Variants in AEBP2 observed in about 807,000 individuals in gnomAD.
AEBP2 encodes the protein AE binding protein 2.
In AEBP2, 10 loss-of-function variants were observed where a neutral mutation model predicts 50.8. The observed-to-expected ratio is 0.20, with a 90% CI of 0.12 to 0.33. AEBP2 has a LOEUF of 0.33. AEBP2 is among the 10% of genes least tolerant of loss of function. The pLI is 1.00. For synonymous variants in AEBP2, 296 were observed against 261.3 expected, an observed-to-expected ratio of 1.13 and a Z score of -1.28; for missense variants, 570 against 688.0, an observed-to-expected ratio of 0.83 and a Z score of 1.92.
chr12:19,415,571 T>G (rs1355923875), intron 1 of AEBP2, among the ~76,000 whole-genome samples: 1 of 151,294 alleles, frequency 6.6e-6, no homozygotes, highest in East Asian at 1.9e-4. Context: ...AATCAGATTT[T>G]TTTGTCAAAA....
intron 1 of AEBP2, 189 bp downstream of exon 1, chr12:19,440,559 A>T: frequency 7.2e-7 from 1 of 1,380,806 alleles, no homozygotes; most frequent in Non-Finnish European, 9.4e-7. Context: ...CGCGGCTTCC[A>T]ACTCTCAAAC....
chr12:19,426,633 G>T (rs939245856), intron 1 of AEBP2, among the ~76,000 whole-genome samples: 2 of 152,196 alleles, frequency 1.3e-5, no homozygotes, highest in African/African-American at 4.8e-5. Context: ...GCCAGGCGTG[G>T]TGACTCACTC....
intron 3 of AEBP2, among the ~76,000 whole-genome samples, chr12:19,484,749 A>AT (rs933867315): frequency 4.0e-5 from 6 of 151,714 alleles, no homozygotes; most frequent in African/African-American, 1.5e-4. Context: ...AACCGTTCAG[A>AT]TTTTTTTTCT....
chr12:19,432,478 G>A (rs2095751948), intron 1 of AEBP2, among the ~76,000 whole-genome samples: 1 of 152,142 alleles, frequency 6.6e-6, no homozygotes. Flanking sequence ...CGGATCGCTT[G>A]AACTTGGGAG....
chr12:19,462,431 TC>T (rs1247824842), intron 1 of AEBP2, 78 bp from the exon 2 acceptor site: 1 of 1,200,700 alleles, frequency 8.3e-7, no homozygotes, highest in African/African-American at 1.5e-5. Flanking sequence ...CAAGTGGTAA[TC>T]TTAATTAAAT....
Position 19,440,203 on chromosome 12 carries a change from G to GGTC in AEBP2, c.505_506insTCG (p.Gln168_Gly169insVal), listed in dbSNP as rs1565702703. 2 of 1,452,296 alleles carry GGTC rather than the reference G, an allele frequency of 1.4e-6. No homozygotes were observed. The highest frequency in any genetic ancestry group is 9.0e-7 in the Non-Finnish European group (1 of 1,115,076). 90.0% of individuals were successfully genotyped at this position (1,452,296 alleles called of 1,614,324 possible). A position where few individuals can be genotyped will look rare whatever the true frequency, so the allele number is the denominator to read the frequency against. Reference sequence around the variant, plus strand: ...AGCCCAAGGGACCGCGGGGCAGCCAGGGCGGCGGCGGGGGCGGCAGCAGTA... The same window carrying GGTC: ...AGCCCAAGGGACCGCGGGGCAGCCAGGTCGGCGGCGGCGGGGGCGGCAGCAGTA... On this transcript the variant is annotated inframe_insertion, in exon 1 of 8. Transcript: ENST00000266508.
intron 3 of AEBP2, among the ~76,000 whole-genome samples, chr12:19,474,145 C>G (rs1425861444): frequency 6.6e-6 from 1 of 152,084 alleles, no homozygotes; most frequent in East Asian, 1.9e-4. Context: ...TCACTTTTGT[C>G]AAATTAGATG....
intron 3 of AEBP2, among the ~76,000 whole-genome samples, chr12:19,482,815 A>G (rs1427766432): frequency 1.3e-5 from 2 of 152,112 alleles, no homozygotes; most frequent in Non-Finnish European, 2.9e-5. Context: ...GTTATGTTCC[A>G]TAGGGGATTT....
intron 5 of AEBP2, among the ~76,000 whole-genome samples, chr12:19,507,485 T>G (rs1949168429): frequency 6.6e-6 from 1 of 152,008 alleles, no homozygotes; most frequent in African/African-American, 2.4e-5. Context: ...TCCATGAAAA[T>G]GAAAAGCTTT....
chr12:19,466,662 G>A (rs1948481951), intron 2 of AEBP2: 1 of 268,906 alleles, frequency 3.7e-6, no homozygotes, highest in African/African-American at 2.3e-5. Context: ...TTTGACTGTT[G>A]TAGGTATCTA....
chr12:19,485,847 C>T (rs1255133995), intron 3 of AEBP2, among the ~76,000 whole-genome samples: 1 of 149,300 alleles, frequency 6.7e-6, no homozygotes, highest in Non-Finnish European at 1.5e-5. Context: ...GGTTAGGGAT[C>T]AATTAAATTA....
chr12:19,413,549 A>G (rs1592702504), intron 1 of AEBP2: 1 of 693,460 alleles, frequency 1.4e-6, no homozygotes. Flanking sequence ...TTTATTGTCT[A>G]TATGCCTTTT....
intron 3 of AEBP2, among the ~76,000 whole-genome samples, chr12:19,484,430 A>G (rs1037661922): frequency 2.0e-5 from 3 of 151,680 alleles, no homozygotes; most frequent in Non-Finnish European, 2.9e-5. Context: ...GCTGGAGTGC[A>G]GTGGTGTGAT....
At chr12:19,468,234 A>G (rs1948516413) in intron 2 of AEBP2, among the ~76,000 whole-genome samples, 1 of 151,626 alleles carries the variant, frequency 6.6e-6, no homozygotes, top group African/African-American at 2.4e-5. Flanking sequence ...GGGCTTAAGC[A>G]GTGCTCCCAT....
At chr12:19,443,163 C>G (rs1341755766) in intron 1 of AEBP2, among the ~76,000 whole-genome samples, 1 of 151,192 alleles carries the variant, frequency 6.6e-6, no homozygotes, top group Admixed American at 6.6e-5. Flanking sequence ...GTGGTACGAT[C>G]TCGGCTCACT....
chr12:19,514,127 G>A (rs1015593728), intron 6 of AEBP2, among the ~76,000 whole-genome samples: 1 of 151,834 alleles, frequency 6.6e-6, no homozygotes, highest in Non-Finnish European at 1.5e-5. Context: ...GTTCTCCGGA[G>A]TTGATGGGAA....
At chr12:19,431,602 G>A (rs1418732410) in intron 1 of AEBP2, among the ~76,000 whole-genome samples, 1 of 152,152 alleles carries the variant, frequency 6.6e-6, no homozygotes, top group East Asian at 1.9e-4. Context: ...GTGGACGGGT[G>A]TCAGCCAAAG....
chr12:19,440,425 C>T, intron 1 of AEBP2, 55 bp downstream of exon 1: 2 of 1,452,798 alleles, frequency 1.4e-6, no homozygotes, highest in African/African-American at 1.4e-5. Context: ...TCCCGGGCCC[C>T]TCAGAGGGGG....
Position 19,423,569 on chromosome 12 carries a change from C to T in AEBP2, c.-17+19353C>T, listed in dbSNP as rs1314983381. Among the ~76,000 whole-genome samples, 3 of 152,226 alleles carry T rather than the reference C, an allele frequency of 2.0e-5. No individual in the cohort carries two copies. The East Asian group carries it at 5.8e-4, about 29-fold the overall frequency. ...GTAATCTACTACCTGATATCAAGGTCGCAGGGGCAGGCATGTTTAGCTTCC... is the reference window on the plus strand; with the variant it reads ...GTAATCTACTACCTGATATCAAGGTTGCAGGGGCAGGCATGTTTAGCTTCC... On this transcript the variant is annotated intron_variant, in intron 1 of 3. Coordinates refer to the AEBP2 transcript ENST00000538425.
Sources: gnomAD v4.1 joint callset for allele counts (sites outside exome capture counted in the v4.1 genomes callset) on GRCh38, gnomAD v4.1.1 for gene constraint, MANE v1.5 for transcripts, NCBI Gene and HGNC (gene_info 2026-07-23, HGNC 2026-07-21) for gene names.